Variants in SORL1 observed in about 807,000 individuals in gnomAD.
The protein encoded by SORL1 is sortilin-related receptor.
SORL1 carries 127 observed loss-of-function variants against 273.7 expected under a neutral mutation model. The ratio of observed to expected loss-of-function variants is 0.46; its 90% CI spans 0.40 to 0.54. SORL1 has a LOEUF of 0.54. Ranked by LOEUF, SORL1 falls within the 20% of genes least tolerant of loss-of-function variation. The pLI is 0.00. For synonymous variants in SORL1, 1,031 were observed against 1,067.4 expected (o/e 0.97, Z 0.66); for missense variants, 2,494 against 2,846.1 (o/e 0.88, Z 2.81).
At chr11:121,478,826 T>C (rs977852370) in intron 3 of SORL1, among the ~76,000 whole-genome samples, 18 of 148,410 alleles carry the variant, frequency 1.2e-4, no homozygotes, top group African/African-American at 4.3e-4. Flanking sequence ...GTGCGTGTAG[T>C]TACTTGTGTG....
rs1020088839 is a variant in SORL1 at position 121,631,897 on chromosome 11, G to A, written c.*2334G>A. 6.6e-6 allele frequency: 1 copy of A among 152,172 alleles called. No homozygotes were observed. Among genetic ancestry groups the A allele is most frequent in the Non-Finnish European group, 1.5e-5 (1 of 68,038 alleles). 9.4% of individuals were successfully genotyped at this position (152,172 alleles called of 1,614,324 possible). On this transcript the variant is annotated 3_prime_UTR_variant, in exon 48 of 48. Transcript: ENST00000260197. ...TTGTATATTTTTATGAACTTTTGAA[G>A]CACACACTCCTGTTTCCCTCTGTGT...
In SORL1 at chr11:121,589,390, G is replaced by A. The variant is rs762041943; in HGVS notation, c.4078G>A (p.Glu1360Lys). 12 of 1,612,806 alleles carry A rather than the reference G, an allele frequency of 7.4e-6. No individual in the cohort carries two copies. The highest frequency in any genetic ancestry group is 1.7e-5 in the Admixed American group (1 of 59,980). Residue 1360 changes from glutamate (E) to lysine (K), a missense_variant and splice_region_variant, in exon 29 of 48, where the codon GAA becomes AAA. Glu to Lys is a moderately conservative substitution (Grantham distance 56). Transcript: ENST00000260197. The part of the protein sequence containing the change: ...CGDYSDEANC[E>K]NPTEAPNCSR... Reference sequence around the variant, plus strand: ...CGATTATTCTGATGAAGCCAACTGCGGTAAGATGTCCAGTCTGCCTCCTCA... The same window carrying A: ...CGATTATTCTGATGAAGCCAACTGCAGTAAGATGTCCAGTCTGCCTCCTCA...
rs556856250 is a variant in SORL1 at position 121,567,773 on chromosome 11, C to T, written c.3223+660C>T. ...TAATTTTTACTGTCACCACTTCCCC[C>T]GCCTCCAGCATCACGTTTCTGTGAG... On this transcript the variant is annotated intron_variant, in intron 22 of 47. Coordinates refer to ENST00000260197, the MANE Select transcript of SORL1 (RefSeq NM_003105.6). 7.9e-5 allele frequency among the ~76,000 whole-genome samples: 12 copies of T among 152,346 alleles called. No individual in the cohort carries two copies. The South Asian group carries it at 1.4e-3, about 18-fold the overall frequency.
At chr11:121,558,500 G>A (rs1316965560) in intron 19 of SORL1, 91 bp from the exon 20 acceptor site, 6 of 1,372,274 alleles carry the variant, frequency 4.4e-6, no homozygotes, top group Admixed American at 3.6e-5. Flanking sequence ...CGGATCATTC[G>A]AAAGGAGTTT....
At chr11:121,496,262 G>C (rs1000935605) in intron 5 of SORL1, among the ~76,000 whole-genome samples, 1 of 152,224 alleles carries the variant, frequency 6.6e-6, no homozygotes, top group African/African-American at 2.4e-5. Context: ...TGGGAGAAAG[G>C]TGCCCTCCCT....
At chr11:121,469,928 A>C in intron 1 of SORL1, 79 bp from the exon 2 acceptor site, 1 of 1,000,530 alleles carries the variant, frequency 1.0e-6, no homozygotes, top group Non-Finnish European at 1.6e-6. Flanking sequence ...TGCTTGACAA[A>C]GGAGGAAAGA....
At position 121,537,587 on chromosome 11, in the gene SORL1, T is replaced by C. The variant is rs78750126; in HGVS notation, c.1685+5035T>C. Reference sequence around the variant, plus strand: ...GATGTCCAGCAGGAATCTGGACATATTACAATATCTGGTGCAGCCTTCCGC... The same window carrying C: ...GATGTCCAGCAGGAATCTGGACATACTACAATATCTGGTGCAGCCTTCCGC... On this transcript the variant is annotated intron_variant, in intron 12 of 47. Coordinates refer to ENST00000260197, the MANE Select transcript of SORL1 (RefSeq NM_003105.6). Among the ~76,000 whole-genome samples the C allele has an allele frequency of 6.5e-3, 987 of 152,330 alleles. 11 individuals are homozygous for C. Among genetic ancestry groups the C allele is most frequent in the African/African-American group, 0.022 (934 of 41,574 alleles).
chr11:121,605,683 CAGA>C (rs1745531131), intron 35 of SORL1, 112 bp downstream of exon 35: 1 of 840,750 alleles, frequency 1.2e-6, no homozygotes, highest in African/African-American at 1.7e-5. Flanking sequence ...CTCACATGTA[CAGA>C]AGTATGGTGG....
chr11:121,566,839 T>C (rs757060743), intron 21 of SORL1, 101 bp from the exon 22 acceptor site: 33 of 1,167,546 alleles, frequency 2.8e-5, no homozygotes, highest in Non-Finnish European at 3.8e-5. Context: ...CTCGCTGTCC[T>C]TTCCGTAAGA....
intron 23 of SORL1, among the ~76,000 whole-genome samples, chr11:121,570,852 CTGTGG>C (rs1316594858): frequency 3.3e-5 from 5 of 152,212 alleles, no homozygotes; most frequent in African/African-American, 1.2e-4. Flanking sequence ...AAGTATAAGA[CTGTGG>C]TTAGCAGAAG....
At chr11:121,589,181 T>C (rs896753215) in intron 28 of SORL1, 78 bp from the exon 29 acceptor site, 182 of 1,543,884 alleles carry the variant, frequency 1.2e-4, no homozygotes, top group Non-Finnish European at 1.6e-4. Flanking sequence ...TGTTCCCCCT[T>C]GCTTCTGGGC....
Position 121,558,637 on chromosome 11 carries a change from C to T in SORL1, c.2710C>T (p.Arg904Trp), listed in dbSNP as rs148966249. Reference sequence around the variant, plus strand: ...GGGAGACCTGAAGCCTGGGATTTATCGGAGCAATATGGATGGTTCTGCTGC... The same window carrying T: ...GGGAGACCTGAAGCCTGGGATTTATTGGAGCAATATGGATGGTTCTGCTGC... ...DWGDLKPGIY[R>W]SNMDGSAAYH... Residue 904 changes from arginine to tryptophan, a missense_variant, in exon 20 of 48, where the codon CGG becomes TGG. This residue lies in a region of SORL1 where 1,609 missense variants were observed against 1,816.4 expected (regional missense o/e 0.89). Transcript: ENST00000260197. 70 of 1,613,972 alleles carry T rather than the reference C, an allele frequency of 4.3e-5. No individual in the cohort carries two copies. The highest frequency in any genetic ancestry group is 1.2e-4 in the Admixed American group (7 of 59,984).
intron 1 of SORL1, among the ~76,000 whole-genome samples, chr11:121,459,492 G>T (rs1024197414): frequency 1.3e-5 from 2 of 152,194 alleles, no homozygotes; most frequent in African/African-American, 4.8e-5. Context: ...TCACCAGGGG[G>T]ACCGTGGAGG....
chr11:121,468,081 C>T (rs1861112236), intron 1 of SORL1, among the ~76,000 whole-genome samples: 1 of 152,132 alleles, frequency 6.6e-6, no homozygotes, highest in Non-Finnish European at 1.5e-5. Context: ...CATCTGAGAG[C>T]ACCTCAAGGA....
intron 35 of SORL1, 50 bp downstream of exon 35, chr11:121,605,621 G>C (rs749000979): frequency 6.9e-7 from 1 of 1,455,578 alleles, no homozygotes; most frequent in Admixed American, 1.7e-5. Context: ...TCAGGTCGGG[G>C]TTTGTGAGGG....
intron 11 of SORL1, among the ~76,000 whole-genome samples, chr11:121,531,694 C>G (rs1157371753): frequency 6.6e-6 from 1 of 152,188 alleles, no homozygotes; most frequent in Non-Finnish European, 1.5e-5. Context: ...GCCTTTGTTA[C>G]ACTGGTTTGT....
chr11:121,589,960 G>A, intron 29 of SORL1, 80 bp from the exon 30 acceptor site: 2 of 1,541,208 alleles, frequency 1.3e-6, no homozygotes, highest in Admixed American at 1.8e-5. Context: ...ACTTGGGTCT[G>A]GAGGAGGATG....
Position 121,554,187 on chromosome 11 carries a change from C to A in SORL1, c.2439+78C>A. ...CCTGATAAGCTGCATGCAGAATGGC[C>A]TATGGAAATGGGCAGTTAGAAGTTT... On this transcript the variant is annotated intron_variant, in intron 17 of 47. Transcript: ENST00000260197. The surrounding 1 kb of genome is among the most constrained non-coding windows in gnomAD (Gnocchi z 4.6). 1 of 1,328,218 alleles carries A rather than the reference C, an allele frequency of 7.5e-7. No homozygotes were observed. Among genetic ancestry groups the A allele is most frequent in the Non-Finnish European group, 1.0e-6 (1 of 957,612 alleles). The allele number at this position is 1,328,218 out of a possible 1,614,324, so 82.3% of individuals were successfully genotyped here.
In SORL1 at chr11:121,468,606, A is replaced by G. The variant is rs553979494; in HGVS notation, c.286-1401A>G. On this transcript the variant is annotated intron_variant, in intron 1 of 47. Transcript: ENST00000260197. ...TGGCTACTTTTTGTATTTTTAGTAG[A>G]GATGGGGTTTCACCGTATTGGCCAG... Among the ~76,000 whole-genome samples, 5 of 152,180 alleles carry G rather than the reference A, an allele frequency of 3.3e-5. No individual in the cohort carries two copies. In the East Asian group the frequency reaches 7.7e-4, roughly 23 times the overall value.
Sources: allele counts gnomAD v4.1 joint callset (sites outside exome capture counted in the v4.1 genomes callset), GRCh38; gene constraint gnomAD v4.1.1; regional missense constraint gnomAD v4.1.1; non-coding constraint Gnocchi (gnomAD v3.1); transcripts MANE v1.5; gene names NCBI Gene and HGNC (gene_info 2026-07-23, HGNC 2026-07-21).